The following AKAP13 variants were observed in gnomAD, a reference collection of about 807,000 sequenced individuals.
AKAP13 encodes the protein A-kinase anchoring protein 13.
AKAP13 carries 80 observed loss-of-function variants against 264.5 expected under a neutral mutation model. The ratio of observed to expected loss-of-function variants is 0.30; its 90% confidence interval spans 0.25 to 0.36. The LOEUF is 0.36. Among genes scored for constraint, AKAP13 ranks in the 10% least tolerant of loss-of-function variants. The probability of loss-of-function intolerance (pLI) is 1.00; values close to 1 mark genes in which losing one functional copy is unlikely to be tolerated. For synonymous variants in AKAP13, 1,380 were observed against 1,250.2 expected (o/e 1.10, Z -2.19); for missense variants, 3,712 against 3,435.2 (o/e 1.08, Z -2.01).
chr15:85,439,178 T>G (rs1389726857), intron 1 of AKAP13, among the ~76,000 whole-genome samples: 2 of 151,952 alleles, frequency 1.3e-5, no homozygotes, highest in Non-Finnish European at 2.9e-5. Context: ...CAGACACTTC[T>G]CAAAAGAAGA....
At chr15:85,512,878 G>A (rs2880763) in intron 2 of AKAP13, among the ~76,000 whole-genome samples, 72,820 of 151,318 alleles carry the variant, frequency 0.48, 18,165 homozygotes, top group Middle Eastern at 0.61. Flanking sequence ...TGTTTTTGAG[G>A]TGGAGTCTCG....
chr15:85,699,894 G>T (rs1238654803), intron 17 of AKAP13, among the ~76,000 whole-genome samples: 1 of 152,182 alleles, frequency 6.6e-6, no homozygotes, highest in Non-Finnish European at 1.5e-5. Context: ...GAGATTTAAG[G>T]TTGAAAGTTA....
rs765796272 is a variant in AKAP13, at chr15:85,655,456, A to G, written c.4414A>G (p.Ser1472Gly). 1 of 1,614,164 alleles carries G rather than the reference A, an allele frequency of 6.2e-7. No homozygotes were observed. Among genetic ancestry groups the G allele is most frequent in the Non-Finnish European group, 8.5e-7 (1 of 1,180,024 alleles). Residue 1472 changes from serine to glycine, a missense_variant, in exon 11 of 37, where the codon AGT becomes GGT. This residue lies in a region of AKAP13 where 2,759 missense variants were observed against 2,411.7 expected (regional missense o/e 1.14). Transcript: ENST00000394518. ...TTTGGCCTGTGATATCACCGGATCC[A>G]GTTCATCCACCGATGACACGGCTTC... ...EHLACDITGSSSSTDDTASLD... is the reference protein window; with the variant it reads ...EHLACDITGSGSSTDDTASLD...
intron 1 of AKAP13, among the ~76,000 whole-genome samples, chr15:85,435,821 A>G (rs1309449666): frequency 6.7e-6 from 1 of 150,374 alleles, no homozygotes; most frequent in Non-Finnish European, 1.5e-5. Flanking sequence ...AGGAAGCGCT[A>G]AACGTGGAAA....
intron 5 of AKAP13, among the ~76,000 whole-genome samples, chr15:85,572,132 T>C (rs1373983155): frequency 6.6e-6 from 1 of 152,216 alleles, no homozygotes; most frequent in Non-Finnish European, 1.5e-5. Flanking sequence ...CTCCATTTCA[T>C]GGAGAATGGA....
At chr15:85,531,440 C>T (rs900001043) in intron 3 of AKAP13, among the ~76,000 whole-genome samples, 1 of 152,160 alleles carries the variant, frequency 6.6e-6, no homozygotes, top group African/African-American at 2.4e-5. Flanking sequence ...TAGCTTTTAG[C>T]TCTTGAACAA....
chr15:85,568,894 A>C (rs1399959753), intron 5 of AKAP13, among the ~76,000 whole-genome samples: 2 of 152,172 alleles, frequency 1.3e-5, no homozygotes, highest in African/African-American at 2.4e-5. Context: ...GGGGGTAGTG[A>C]AGGCCCTAGG....
chr15:85,538,894 G>A (rs1456364768), intron 4 of AKAP13, among the ~76,000 whole-genome samples: 16 of 148,936 alleles, frequency 1.1e-4, no homozygotes, highest in Non-Finnish European at 1.5e-4. Context: ...GCAGTGGTGC[G>A]ATCTCAGCTC....
intron 8 of AKAP13, among the ~76,000 whole-genome samples, chr15:85,605,927 A>G (rs1175003994): frequency 6.6e-6 from 1 of 152,076 alleles, no homozygotes; most frequent in Non-Finnish European, 1.5e-5. Context: ...AATTTCTGAT[A>G]GATCTCATGT....
chr15:85,386,304 A>AT (rs899215206), intron 1 of AKAP13, among the ~76,000 whole-genome samples: 93 of 145,882 alleles, frequency 6.4e-4, no homozygotes, highest in Middle Eastern at 3.6e-3. Context: ...ACAAGTTATT[A>AT]TTTTTTTTTT....
intron 33 of AKAP13, among the ~76,000 whole-genome samples, chr15:85,739,770 C>G (rs1258522334): frequency 6.6e-6 from 1 of 151,946 alleles, no homozygotes; most frequent in Non-Finnish European, 1.5e-5. Context: ...GATATTTGAA[C>G]CTTTTTTTGT....
chr15:85,529,912 C>T (rs1441307322), intron 3 of AKAP13, among the ~76,000 whole-genome samples: 14 of 152,196 alleles, frequency 9.2e-5, no homozygotes, highest in Non-Finnish European at 2.1e-4. Flanking sequence ...GCATATTTTA[C>T]TTATGATGAT....
In AKAP13 at chr15:85,390,720, G is replaced by C. The variant is rs78071323; in HGVS notation, c.-12+9922G>C. ...GGTAGCAGCGAAAGTGGTGAGAAGCGGTTTGAATCCATATACGCTGAAAAT... is the reference window on the plus strand; with the variant it reads ...GGTAGCAGCGAAAGTGGTGAGAAGCCGTTTGAATCCATATACGCTGAAAAT... On this transcript the variant is annotated intron_variant, in intron 1 of 36. Transcript: ENST00000394518. Among the ~76,000 whole-genome samples the C allele has an allele frequency of 7.2e-4, 110 of 152,222 alleles. 1 individual carries two copies. Among genetic ancestry groups the C allele is most frequent in the African/African-American group, 2.6e-3 (108 of 41,530 alleles).
intron 13 of AKAP13, among the ~76,000 whole-genome samples, chr15:85,669,176 A>C (rs2083774468): frequency 6.6e-6 from 1 of 152,226 alleles, no homozygotes; most frequent in Non-Finnish European, 1.5e-5. Flanking sequence ...CAGAGGTTGC[A>C]GTAAGTAAAC....
At chr15:85,517,450 T>A (rs2076648697) in intron 2 of AKAP13, among the ~76,000 whole-genome samples, 1 of 152,082 alleles carries the variant, frequency 6.6e-6, no homozygotes, top group Non-Finnish European at 1.5e-5. Context: ...AGATGTTGGG[T>A]CTTATGAAGT....
At chr15:85,736,642 C>T (rs1395071823) in intron 33 of AKAP13, among the ~76,000 whole-genome samples, 1 of 152,206 alleles carries the variant, frequency 6.6e-6, no homozygotes, top group African/African-American at 2.4e-5. Context: ...AGGCAGTCCA[C>T]CTGCCTTAGC....
chr15:85,487,527 C>T (rs2075593205), intron 2 of AKAP13, among the ~76,000 whole-genome samples: 1 of 152,032 alleles, frequency 6.6e-6, no homozygotes, highest in African/African-American at 2.4e-5. Context: ...GGTTTTTTTC[C>T]TTTCATTAAT....
At chr15:85,652,251 G>A (rs1293904344) in intron 10 of AKAP13, among the ~76,000 whole-genome samples, 2 of 152,072 alleles carry the variant, frequency 1.3e-5, no homozygotes, top group African/African-American at 4.8e-5. Flanking sequence ...CAAAAGGGTA[G>A]ATGGTTGTTT....
chr15:85,437,240 A>G (rs1344729745), intron 1 of AKAP13, among the ~76,000 whole-genome samples: 3 of 150,118 alleles, frequency 2.0e-5, no homozygotes, highest in East Asian at 3.9e-4. Flanking sequence ...TAAATTCCTC[A>G]ACACATACAC....
Sources: allele counts gnomAD v4.1 joint callset (sites outside exome capture counted in the v4.1 genomes callset), GRCh38; gene constraint gnomAD v4.1.1; regional missense constraint gnomAD v4.1.1; transcripts MANE v1.5; gene names NCBI Gene and HGNC (gene_info 2026-07-23, HGNC 2026-07-21).